The following SH3RF1 variants were observed in gnomAD, a reference collection of about 807,000 sequenced individuals.
SH3RF1 encodes E3 ubiquitin-protein ligase SH3RF1.
SH3RF1 carries 32 observed loss-of-function variants against 74.0 expected under a neutral mutation model. The ratio of observed to expected loss-of-function variants is 0.43; its 90% CI spans 0.33 to 0.58. The LOEUF (loss-of-function observed/expected upper bound fraction) is 0.58. SH3RF1 is among the 20% of genes least tolerant of loss of function. The pLI is 0.05. For synonymous variants in SH3RF1, 396 were observed against 439.6 expected, an observed-to-expected ratio of 0.90 and a Z score of 1.24; for missense variants, 954 against 1,130.9, an observed-to-expected ratio of 0.84 and a Z score of 2.24.
chr4:169,188,137 TC>T (rs1167879121), intron 2 of SH3RF1, among the ~76,000 whole-genome samples: 4 of 152,118 alleles, frequency 2.6e-5, no homozygotes, highest in African/African-American at 9.7e-5. Context: ...ATTTCAGACT[TC>T]CAGCCTCCAG....
At chr4:169,172,697 C>T (rs1270355836) in intron 2 of SH3RF1, among the ~76,000 whole-genome samples, 1 of 152,096 alleles carries the variant, frequency 6.6e-6, no homozygotes, top group African/African-American at 2.4e-5. Context: ...GTATTGTTGG[C>T]TGGCAGGGGT....
intron 2 of SH3RF1, among the ~76,000 whole-genome samples, chr4:169,193,318 T>G (rs1734759515): frequency 6.6e-6 from 1 of 152,160 alleles, no homozygotes; most frequent in Admixed American, 6.6e-5. Context: ...TAGCTCCTTT[T>G]CCTTTTCTCC....
intron 5 of SH3RF1, among the ~76,000 whole-genome samples, chr4:169,131,259 A>G (rs1733614621): frequency 6.6e-6 from 1 of 152,206 alleles, no homozygotes; most frequent in African/African-American, 2.4e-5. Context: ...AATCTTTTAA[A>G]ATTCATCTGT....
At chr4:169,119,274 T>C (rs1579091119) in intron 8 of SH3RF1, among the ~76,000 whole-genome samples, 3 of 146,162 alleles carry the variant, frequency 2.1e-5, no homozygotes. Context: ...TGGCTAATTT[T>C]TGTATTTTTT....
Position 169,120,861 on chromosome 4 carries a change from T to C in SH3RF1, c.1475A>G (p.Lys492Arg). ...WFKGTSMHTS[K>R]IGVFPGNYVA... ...ATAATTGCCAGGGAAAACCCCTATC[T>C]TGCTGGTATGCATGGATGTCCCTTT... is the stretch of plus-strand genomic sequence containing the variant. The change falls in exon 8 of 12, where the codon AAG becomes AGG. Residue 492 changes from lysine (K) to arginine (R), a missense_variant. Physicochemically the swap from Lys to Arg is conservative, Grantham distance 26. This residue lies in a region of SH3RF1 where 854 missense variants were observed against 962.5 expected (regional missense o/e 0.89). Transcript: ENST00000284637. 1.9e-6 allele frequency: 3 copies of C among 1,614,214 alleles called. No homozygotes were observed. The highest frequency in any genetic ancestry group is 1.3e-5 in the African/African-American group (1 of 75,058).
chr4:169,227,719 T>C (rs1240662915), intron 2 of SH3RF1, among the ~76,000 whole-genome samples: 1 of 152,180 alleles, frequency 6.6e-6, no homozygotes, highest in African/African-American at 2.4e-5. Flanking sequence ...AACTTACAGG[T>C]AGAAAGACCA....
chr4:169,120,758 C>A, intron 8 of SH3RF1, 61 bp downstream of exon 8: 1 of 1,565,124 alleles, frequency 6.4e-7, no homozygotes, highest in Non-Finnish European at 8.7e-7. Flanking sequence ...GGCTGAAAAC[C>A]ATGGAAAAGA....
At chr4:169,175,098 G>T (rs558051589) in intron 2 of SH3RF1, among the ~76,000 whole-genome samples, 14 of 152,256 alleles carry the variant, frequency 9.2e-5, no homozygotes, top group Non-Finnish European at 1.9e-4. Flanking sequence ...GCTTCACCAT[G>T]ATGCCTCCGT....
At chr4:169,150,635 GGGGT>G (rs1733961082) in intron 4 of SH3RF1, among the ~76,000 whole-genome samples, 3 of 152,136 alleles carry the variant, frequency 2.0e-5, no homozygotes, top group Admixed American at 6.5e-5. Context: ...TACCCCCAGG[GGGGT>G]CTTCTCTACA....
rs754027592 is a variant in SH3RF1, at chr4:169,136,304, G to C, written c.1068+14C>G. 1 of 1,407,960 alleles carries C rather than the reference G, an allele frequency of 7.1e-7. No individual in the cohort carries two copies. The highest frequency in any genetic ancestry group is 1.9e-5 in the South Asian group (1 of 53,656). 87.2% of individuals were successfully genotyped at this position (1,407,960 alleles called of 1,614,324 possible). On this transcript the variant is annotated intron_variant, in intron 5 of 11. Transcript: ENST00000284637. ...GGTGAGCTCTTTTTATATAACACTT[G>C]TTTGAGGATTTACCTGAGAAGGGGC... is the stretch of plus-strand genomic sequence containing the variant.
intron 4 of SH3RF1, among the ~76,000 whole-genome samples, chr4:169,138,478 C>A (rs1387387066): frequency 1.3e-5 from 2 of 152,154 alleles, no homozygotes; most frequent in East Asian, 3.9e-4. Context: ...TATTTAGACA[C>A]CTAGAAACAA....
chr4:169,267,761 G>C (rs1341076010), intron 2 of SH3RF1, among the ~76,000 whole-genome samples: 1 of 152,100 alleles, frequency 6.6e-6, no homozygotes, highest in Non-Finnish European at 1.5e-5. Context: ...CGAATTATGG[G>C]AACTAATGCT....
intron 2 of SH3RF1, among the ~76,000 whole-genome samples, chr4:169,175,719 C>T (rs766785039): frequency 1.3e-5 from 2 of 152,106 alleles, no homozygotes; most frequent in South Asian, 2.1e-4. Flanking sequence ...AGACCATAAG[C>T]TCTAAAAAAA....
rs574031057 is a variant in SH3RF1 at position 169,224,232 on chromosome 4, T to C, written c.393+44588A>G. On this transcript the variant is annotated intron_variant, in intron 2 of 11. Transcript: ENST00000284637. Reference sequence around the variant, plus strand: ...CCTTGTGGTCATAAATATGATTTTGTTCTAAGTGTAAGGAAGAAGCCAGTA... The same window carrying C: ...CCTTGTGGTCATAAATATGATTTTGCTCTAAGTGTAAGGAAGAAGCCAGTA... Among the ~76,000 whole-genome samples the C allele has an allele frequency of 1.9e-4, 29 of 152,270 alleles. No homozygotes were observed. In the South Asian group the frequency reaches 6.0e-3, roughly 32 times the overall value.
chr4:169,142,573 T>G (rs1473490381), intron 4 of SH3RF1, among the ~76,000 whole-genome samples: 1 of 152,250 alleles, frequency 6.6e-6, no homozygotes, highest in East Asian at 1.9e-4. Flanking sequence ...TTTAGCACTT[T>G]GTTTTTCCAC....
At chr4:169,225,308 A>G (rs1345887863) in intron 2 of SH3RF1, among the ~76,000 whole-genome samples, 1 of 152,206 alleles carries the variant, frequency 6.6e-6, no homozygotes, top group African/African-American at 2.4e-5. Flanking sequence ...AGGAAAAGTC[A>G]GCTGGATTTG....
intron 2 of SH3RF1, among the ~76,000 whole-genome samples, chr4:169,243,080 C>G (rs1230120237): frequency 2.0e-5 from 3 of 152,174 alleles, no homozygotes; most frequent in African/African-American, 7.2e-5. Flanking sequence ...TCTCCCAAAT[C>G]CATACTACTT....
At chr4:169,233,248 C>CAAAAAAAA (rs372381759) in intron 2 of SH3RF1, among the ~76,000 whole-genome samples, 2 of 65,594 alleles carry the variant, frequency 3.0e-5, no homozygotes, top group Admixed American at 2.2e-4. Context: ...GACTCCATCT[C>CAAAAAAAA]AAAAAAAAAA....
intron 8 of SH3RF1, among the ~76,000 whole-genome samples, chr4:169,118,936 T>G (rs997485062): frequency 6.6e-6 from 1 of 152,202 alleles, no homozygotes; most frequent in Non-Finnish European, 1.5e-5. Flanking sequence ...AGTATAGTTT[T>G]GTGTAATGTG....
Sources: gnomAD v4.1 joint callset for allele counts (sites outside exome capture counted in the v4.1 genomes callset) on GRCh38, gnomAD v4.1.1 for gene constraint, gnomAD v4.1.1 regional missense constraint, MANE v1.5 for transcripts, NCBI Gene and HGNC (gene_info 2026-07-23, HGNC 2026-07-21) for gene names.